The following CACNA1C variants were observed in gnomAD, a reference collection of about 807,000 sequenced individuals.
The protein encoded by CACNA1C is calcium voltage-gated channel subunit alpha1 C, also known as voltage-dependent L-type calcium channel subunit alpha-1C.
A neutral mutation model predicts 229.0 loss-of-function variants in CACNA1C; 30 were observed. That is an observed-to-expected ratio of 0.13 (90% CI 0.10 to 0.18). The LOEUF (loss-of-function observed/expected upper bound fraction) is 0.18. CACNA1C is among the 10% of genes least tolerant of loss of function. The pLI, the probability that CACNA1C is intolerant of heterozygous loss-of-function variation, is 1.00. For synonymous variants in CACNA1C, 1,114 were observed against 1,132.5 expected (o/e 0.98, Z 0.33); for missense variants, 1,658 against 2,845.0 (o/e 0.58, Z 9.49).
At chr12:2,556,868 T>G in intron 10 of CACNA1C, 83 bp from the exon 11 acceptor site, 1 of 1,182,850 alleles carries the variant, frequency 8.5e-7, no homozygotes, top group Non-Finnish European at 1.3e-6. Flanking sequence ...CTGGGGAACA[T>G]CAAATTTCCC....
At chr12:2,372,945 G>A (rs1193469079) in intron 3 of CACNA1C, among the ~76,000 whole-genome samples, 6 of 152,250 alleles carry the variant, frequency 3.9e-5, no homozygotes, top group African/African-American at 1.4e-4. Flanking sequence ...AGCAAGTCCG[G>A]TGCCGAGAAG....
At chr12:2,161,410 C>G (rs1417252574) in intron 3 of CACNA1C, among the ~76,000 whole-genome samples, 1 of 152,172 alleles carries the variant, frequency 6.6e-6, no homozygotes, top group Non-Finnish European at 1.5e-5. Flanking sequence ...AGGCTCTAAA[C>G]GCCAGCTTGG....
intron 1 of CACNA1C, among the ~76,000 whole-genome samples, chr12:1,996,134 C>T (rs950543843): frequency 6.6e-6 from 1 of 152,102 alleles, no homozygotes. Flanking sequence ...TCATATCTAC[C>T]CCACTGCAAT....
chr12:2,167,596 A>G (rs2096291077), intron 3 of CACNA1C, among the ~76,000 whole-genome samples: 1 of 152,202 alleles, frequency 6.6e-6, no homozygotes, highest in Non-Finnish European at 1.5e-5. Context: ...TATTAATTTT[A>G]GATGGGTTGC....
At position 1,989,346 on chromosome 12, in the gene CACNA1C, AGAGCAG is replaced by A. The variant is rs370112885; in HGVS notation, c.139+18170_139+18175del. ...GAGCAAGAACTTGTCTCTAAAGAGC[AGAGCAG>A]GAGCAGGAGCAGGAGCAGGAGCAGA... On this transcript the variant is annotated intron_variant, in intron 1 of 46. Coordinates refer to the CACNA1C transcript ENST00000682462. Among the ~76,000 whole-genome samples the A allele has an allele frequency of 1.7e-3, 261 of 152,262 alleles. 1 individual carries two copies. The highest frequency in any genetic ancestry group is 5.4e-3 in the African/African-American group (223 of 41,542).
intron 26 of CACNA1C, among the ~76,000 whole-genome samples, chr12:2,607,649 G>C (rs935305378): frequency 1.3e-5 from 2 of 152,256 alleles, no homozygotes; most frequent in African/African-American, 4.8e-5. Flanking sequence ...TTCCTCTGCA[G>C]AGGCAATGCG....
intron 3 of CACNA1C, among the ~76,000 whole-genome samples, chr12:2,174,461 T>C: frequency 6.6e-6 from 1 of 152,234 alleles, no homozygotes; most frequent in East Asian, 1.9e-4. Flanking sequence ...AAATTTCAAA[T>C]GTAATCAAAG....
chr12:2,097,595 A>T (rs1007941717), intron 1 of CACNA1C, among the ~76,000 whole-genome samples: 1 of 152,166 alleles, frequency 6.6e-6, no homozygotes, highest in African/African-American at 2.4e-5. Flanking sequence ...TAGCCGTCCT[A>T]AGGGGTTTGA....
intron 3 of CACNA1C, among the ~76,000 whole-genome samples, chr12:2,228,124 T>C (rs1046686186): frequency 9.8e-5 from 15 of 152,310 alleles, no homozygotes; most frequent in African/African-American, 3.1e-4. Flanking sequence ...GGTTGCATTC[T>C]TGTGTCAGAG....
At position 2,473,093 on chromosome 12, in the gene CACNA1C, C is replaced by A. The variant is rs564314383; in HGVS notation, c.758-13011C>A. ...GTAATGAGATGTTAACTAGGTCTCT[C>A]CACAATTTCAGGGCCGTAAGTCCAA... is the stretch of plus-strand genomic sequence containing the variant. On this transcript the variant is annotated intron_variant, in intron 5 of 46. Coordinates refer to ENST00000399655, the MANE Select transcript of CACNA1C (RefSeq NM_000719.7). 6.6e-5 allele frequency among the ~76,000 whole-genome samples: 10 copies of A among 152,332 alleles called. No homozygotes were observed. The East Asian group carries it at 1.9e-3, about 29-fold the overall frequency.
intron 13 of CACNA1C, among the ~76,000 whole-genome samples, chr12:2,576,190 G>C (rs556890652): frequency 1.3e-5 from 2 of 152,154 alleles, no homozygotes; most frequent in Non-Finnish European, 1.5e-5. Flanking sequence ...GATAAAACAG[G>C]GAGCCGAGTG....
intron 1 of CACNA1C, among the ~76,000 whole-genome samples, chr12:2,082,141 T>TA (rs2154054917): frequency 6.6e-6 from 1 of 152,300 alleles, no homozygotes; most frequent in South Asian, 2.1e-4. Flanking sequence ...GAGGTTAAAC[T>TA]ATAATAAGCA....
chr12:2,192,408 T>C (rs1361075926), intron 3 of CACNA1C, among the ~76,000 whole-genome samples: 1 of 152,136 alleles, frequency 6.6e-6, no homozygotes, highest in East Asian at 1.9e-4. Flanking sequence ...AGCCTTCTTC[T>C]GCGCGTGGAT....
chr12:2,295,724 G>A (rs944973472), intron 3 of CACNA1C, among the ~76,000 whole-genome samples: 5 of 152,230 alleles, frequency 3.3e-5, no homozygotes, highest in Admixed American at 6.5e-5. Context: ...TGAATACAGC[G>A]TAACCAACCT....
intron 3 of CACNA1C, among the ~76,000 whole-genome samples, chr12:2,144,827 C>G (rs1042349421): frequency 6.6e-6 from 1 of 151,272 alleles, no homozygotes. Flanking sequence ...TTGAGACTTG[C>G]TGAATGAAAG....
intron 29 of CACNA1C, among the ~76,000 whole-genome samples, chr12:2,627,904 T>C (rs2087834678): frequency 6.6e-6 from 1 of 152,068 alleles, no homozygotes; most frequent in Non-Finnish European, 1.5e-5. Flanking sequence ...GTGTTCAGAG[T>C]CAGCTTCCCC....
rs2073071847 is a variant in CACNA1C at position 2,602,566 on chromosome 12, T to C, written c.2960+606T>C. Among the ~76,000 whole-genome samples, 1 of 152,030 alleles carries C rather than the reference T, an allele frequency of 6.6e-6. No homozygotes were observed. Among genetic ancestry groups the C allele is most frequent in the Admixed American group, 6.6e-5 (1 of 15,258 alleles). On this transcript the variant is annotated intron_variant, in intron 22 of 46. Transcript: ENST00000399655. This position sits in a 1 kb window ranked among gnomAD's most constrained non-coding sequence, Gnocchi z 4.4. ...ATGTGTCTATGGACGTGAATGTATA[T>C]GTGTATGTATGTGCATATGTATGTG...
intron 42 of CACNA1C, chr12:2,680,243 A>C (rs1300120208): frequency 2.9e-6 from 2 of 698,862 alleles, no homozygotes; most frequent in African/African-American, 1.8e-5. Context: ...CCCCTGTGGG[A>C]GGCGCCATCT....
intron 3 of CACNA1C, among the ~76,000 whole-genome samples, chr12:2,242,131 CA>C (rs2070710155): frequency 1.3e-5 from 2 of 152,212 alleles, no homozygotes; most frequent in South Asian, 4.1e-4. Flanking sequence ...CCTCCACGCT[CA>C]GTTTTCCCAG....
Sources: allele counts gnomAD v4.1 joint callset (sites outside exome capture counted in the v4.1 genomes callset), GRCh38; gene constraint gnomAD v4.1.1; non-coding constraint Gnocchi (gnomAD v3.1); transcripts MANE v1.5; gene names NCBI Gene and HGNC (gene_info 2026-07-23, HGNC 2026-07-21).